Variants in MATN2 observed in about 807,000 individuals in gnomAD.
The protein encoded by MATN2 is matrilin-2.
In MATN2, 69 loss-of-function variants were observed where a neutral mutation model predicts 103.2. The observed-to-expected ratio is 0.67, with a 90% CI of 0.55 to 0.82. The LOEUF (loss-of-function observed/expected upper bound fraction) is 0.82, where lower values mean the gene tolerates loss of function less well. Among genes scored for constraint, MATN2 ranks in the 40% least tolerant of loss-of-function variants. The pLI, the probability that MATN2 is intolerant of heterozygous loss-of-function variation, is 0.00. For synonymous variants in MATN2, 429 were observed against 450.2 expected (o/e 0.95, Z 0.60); for missense variants, 1,023 against 1,211.5 (o/e 0.84, Z 2.31).
intron 2 of MATN2, among the ~76,000 whole-genome samples, chr8:97,889,529 C>T (rs917154885): frequency 8.3e-5 from 12 of 143,816 alleles, no homozygotes; most frequent in African/African-American, 2.5e-4. Flanking sequence ...TTGCAACCTC[C>T]GCCTCCTGGG....
intron 14 of MATN2, 104 bp from the exon 15 acceptor site, chr8:98,030,358 C>A: frequency 1.2e-6 from 1 of 849,464 alleles, no homozygotes; most frequent in Non-Finnish European, 1.8e-6. Context: ...CTCTTCAAAT[C>A]ATACCACTTA....
At chr8:97,899,191 G>A (rs1454058013) in intron 2 of MATN2, among the ~76,000 whole-genome samples, 2 of 152,228 alleles carry the variant, frequency 1.3e-5, no homozygotes, top group East Asian at 3.9e-4. Flanking sequence ...TTCCCATGGA[G>A]TGCTGTATGT....
intron 14 of MATN2, among the ~76,000 whole-genome samples, chr8:98,028,364 G>C (rs1363314581): frequency 2.0e-5 from 3 of 152,192 alleles, no homozygotes; most frequent in Non-Finnish European, 4.4e-5. Context: ...AACAGATTAT[G>C]ACTCTAAGCT....
chr8:98,027,056 A>G (rs1813834032), intron 13 of MATN2, among the ~76,000 whole-genome samples: 2 of 152,098 alleles, frequency 1.3e-5, no homozygotes, highest in Non-Finnish European at 2.9e-5. Flanking sequence ...ACCCTCCTAA[A>G]GTTCTAGGAG....
chr8:97,998,177 G>A (rs1256468404), intron 7 of MATN2, among the ~76,000 whole-genome samples: 2 of 151,178 alleles, frequency 1.3e-5, no homozygotes, highest in Admixed American at 1.3e-4. Context: ...ACCTCTTTAA[G>A]AATCTAAATG....
intron 5 of MATN2, among the ~76,000 whole-genome samples, chr8:97,965,566 G>A (rs1443423031): frequency 3.3e-5 from 5 of 152,192 alleles, no homozygotes; most frequent in Admixed American, 3.3e-4. Context: ...AGGTACCGTG[G>A]CACATGTCTA....
At chr8:97,980,370 G>T (rs1811976280) in intron 6 of MATN2, among the ~76,000 whole-genome samples, 1 of 152,164 alleles carries the variant, frequency 6.6e-6, no homozygotes, top group African/African-American at 2.4e-5. Flanking sequence ...GGGAGTTGTG[G>T]TTGTTGGGCT....
At position 98,031,366 on chromosome 8, in the gene MATN2, A is replaced by G. The variant is rs7012788; in HGVS notation, c.2509+752A>G. ...AAAAGAAAAAAAAAAGGTGGGGGAA[A>G]CAGGGGAGGTGGGAAAGAAAAAAGT... On this transcript the variant is annotated intron_variant, in intron 15 of 18. Transcript: ENST00000254898. 8.3e-3 allele frequency: 1,265 copies of G among 152,284 alleles called. 17 individuals are homozygous for G. Among genetic ancestry groups the G allele is most frequent in the African/African-American group, 0.026 (1,069 of 41,522 alleles). The allele number at this position is 152,284 out of a possible 1,614,324, so 9.4% of individuals were successfully genotyped here.
intron 2 of MATN2, among the ~76,000 whole-genome samples, chr8:97,910,790 C>T (rs1165924628): frequency 6.6e-6 from 1 of 152,144 alleles, no homozygotes; most frequent in Non-Finnish European, 1.5e-5. Flanking sequence ...ATTACCCTAA[C>T]TTCTCTGAGC....
At chr8:98,018,233 C>A (rs1456112286) in intron 12 of MATN2, 117 bp downstream of exon 12, 4 of 1,339,024 alleles carry the variant, frequency 3.0e-6, no homozygotes, top group Non-Finnish European at 4.1e-6. Flanking sequence ...TCAGTTCCTG[C>A]CTTGGGTGCT....
intron 1 of MATN2, among the ~76,000 whole-genome samples, chr8:97,871,225 C>T (rs1203005641): frequency 6.6e-6 from 1 of 152,108 alleles, no homozygotes; most frequent in East Asian, 1.9e-4. Flanking sequence ...AATAAGAGAG[C>T]CATTGGAGGT....
intron 6 of MATN2, among the ~76,000 whole-genome samples, chr8:97,991,539 C>G (rs1390164765): frequency 6.6e-6 from 1 of 152,096 alleles, no homozygotes. Flanking sequence ...CTGGGCAACA[C>G]GGTGAAACCC....
At position 97,978,893 on chromosome 8, in the gene MATN2, C is replaced by T. The variant is rs757417938; in HGVS notation, c.966C>T (p.Asp322=). The T allele has an allele frequency of 1.2e-6, 2 of 1,613,752 alleles. No homozygotes were observed. Among genetic ancestry groups the T allele is most frequent in the African/African-American group, 2.7e-5 (2 of 74,900 alleles). The change falls in exon 6 of 19, where the codon GAC becomes GAT. Residue 322 remains aspartate (D), a synonymous_variant. Coordinates refer to ENST00000254898, the MANE Select transcript of MATN2 (RefSeq NM_002380.5). ...AEDGKRCVAV[D]YCASENHGCE... ...GTGTTTTATTCTCTCCAGCTGTGGA[C>T]TACTGTGCCTCAGAAAACCACGGAT...
At chr8:98,002,036 G>A (rs1318740512) in intron 7 of MATN2, among the ~76,000 whole-genome samples, 1 of 152,196 alleles carries the variant, frequency 6.6e-6, no homozygotes, top group Non-Finnish European at 1.5e-5. Context: ...ATCCAGCCCA[G>A]CCAATGAGGT....
chr8:97,984,779 C>T (rs1812138884), intron 6 of MATN2, among the ~76,000 whole-genome samples: 1 of 152,270 alleles, frequency 6.6e-6, no homozygotes, highest in South Asian at 2.1e-4. Context: ...ATTGTAGACA[C>T]TGGGCATGCA....
At chr8:98,022,814 G>A (rs373917083) in intron 13 of MATN2, among the ~76,000 whole-genome samples, 6 of 152,184 alleles carry the variant, frequency 3.9e-5, no homozygotes, top group South Asian at 2.1e-4. Context: ...TCGGCCGGGC[G>A]CTATGGCTAA....
intron 4 of MATN2, among the ~76,000 whole-genome samples, chr8:97,959,148 A>G (rs1375762373): frequency 6.6e-6 from 1 of 152,180 alleles, no homozygotes; most frequent in Non-Finnish European, 1.5e-5. Context: ...GTGGCATCTA[A>G]CAACCACTCT....
intron 5 of MATN2, among the ~76,000 whole-genome samples, chr8:97,969,392 T>C (rs1811585219): frequency 6.6e-6 from 1 of 152,222 alleles, no homozygotes; most frequent in African/African-American, 2.4e-5. Flanking sequence ...AATATATACA[T>C]TGTAAGGTTT....
intron 6 of MATN2, among the ~76,000 whole-genome samples, chr8:97,984,656 G>A (rs1812135061): frequency 6.6e-6 from 1 of 152,204 alleles, no homozygotes. Context: ...TCTTCATGGT[G>A]TGCAATGTGT....
Sources: gnomAD v4.1 joint callset for allele counts (sites outside exome capture counted in the v4.1 genomes callset) on GRCh38, gnomAD v4.1.1 for gene constraint, MANE v1.5 for transcripts, NCBI Gene and HGNC (gene_info 2026-07-23, HGNC 2026-07-21) for gene names.